The following LRRC7 variants were observed in gnomAD, a reference collection of about 807,000 sequenced individuals.
LRRC7 encodes leucine-rich repeat-containing protein 7.
Under a neutral mutation model 175.7 loss-of-function variants are expected in LRRC7, and 23 were observed. That is an observed-to-expected ratio of 0.13 (90% CI 0.09 to 0.19). The LOEUF (loss-of-function observed/expected upper bound fraction) is 0.19, where lower values mean the gene tolerates loss of function less well. Ranked by LOEUF, LRRC7 falls within the 10% of genes least tolerant of loss-of-function variation. The probability of loss-of-function intolerance (pLI) is 1.00; values close to 1 mark genes in which losing one functional copy is unlikely to be tolerated. For synonymous variants in LRRC7, 685 were observed against 680.9 expected (o/e 1.01, Z -0.09); for missense variants, 1,354 against 1,904.7 (o/e 0.71, Z 5.38).
At chr1:70,071,994 C>A (rs976698456) in intron 23 of LRRC7, among the ~76,000 whole-genome samples, 2 of 152,062 alleles carry the variant, frequency 1.3e-5, no homozygotes, top group Non-Finnish European at 2.9e-5. Flanking sequence ...TGAACAGTGC[C>A]GTTTGCTATC....
chr1:69,694,738 A>C (rs1570391450), intron 2 of LRRC7, among the ~76,000 whole-genome samples: 5 of 147,316 alleles, frequency 3.4e-5, no homozygotes, highest in South Asian at 2.2e-4. Flanking sequence ...TGGTACCCCT[A>C]CCCCCCCCCA....
intron 7 of LRRC7, among the ~76,000 whole-genome samples, chr1:69,902,947 C>T (rs761982867): frequency 5.9e-5 from 9 of 152,238 alleles, no homozygotes; most frequent in South Asian, 2.1e-4. Flanking sequence ...ACAATGGTCT[C>T]GTTTAGATTT....
rs1666920021 is a variant in LRRC7 at position 70,137,551 on chromosome 1, A to G, written c.*15664A>G. Among the ~76,000 whole-genome samples, 1 of 152,208 alleles carries G rather than the reference A, an allele frequency of 6.6e-6. No individual in the cohort carries two copies. The highest frequency in any genetic ancestry group is 1.5e-5 in the Non-Finnish European group (1 of 68,040). ...AGTCTTTACTGTTAGCAAACACTCC[A>G]CCACTGGGGGTTGCTTTGTGTTTAA... On this transcript the variant is annotated 3_prime_UTR_variant, in exon 27 of 27. Coordinates refer to ENST00000651989, the MANE Select transcript of LRRC7 (RefSeq NM_001370785.2).
Position 69,805,260 on chromosome 1 carries a change from C to T in LRRC7, c.421+13100C>T, listed in dbSNP as rs1323697157. 4.0e-5 allele frequency among the ~76,000 whole-genome samples: 6 copies of T among 151,752 alleles called. No homozygotes were observed. The South Asian group carries it at 6.2e-4, about 16-fold the overall frequency. On this transcript the variant is annotated intron_variant, in intron 4 of 26. Coordinates refer to ENST00000651989, the MANE Select transcript of LRRC7 (RefSeq NM_001370785.2). Reference sequence around the variant, plus strand: ...TATCCTCTACTTGAAGGATAGGAGGCGGACTTTTTTTCTCTCAAATAGGCT... The same window carrying T: ...TATCCTCTACTTGAAGGATAGGAGGTGGACTTTTTTTCTCTCAAATAGGCT...
chr1:69,775,339 G>A (rs890394024), intron 3 of LRRC7, among the ~76,000 whole-genome samples: 1 of 152,052 alleles, frequency 6.6e-6, no homozygotes, highest in Non-Finnish European at 1.5e-5. Flanking sequence ...TTCATTTCCA[G>A]CTTATTAGTA....
intron 7 of LRRC7, among the ~76,000 whole-genome samples, chr1:69,882,010 CAAAA>C (rs34756242): frequency 1.6e-5 from 2 of 123,072 alleles, no homozygotes; most frequent in African/African-American, 3.0e-5. Flanking sequence ...GACTGAATAG[CAAAA>C]AAAAAAAAAA....
chr1:70,094,011 T>G (rs1664216634), intron 25 of LRRC7, among the ~76,000 whole-genome samples: 1 of 152,152 alleles, frequency 6.6e-6, no homozygotes, highest in African/African-American at 2.4e-5. Flanking sequence ...CATTCAGGGA[T>G]TCATGTTCTT....
At chr1:69,749,200 A>G (rs1469868173) in intron 2 of LRRC7, among the ~76,000 whole-genome samples, 1 of 152,224 alleles carries the variant, frequency 6.6e-6, no homozygotes, top group East Asian at 1.9e-4. Flanking sequence ...GTACTATAGT[A>G]TAGTTTTTCA....
intron 11 of LRRC7, among the ~76,000 whole-genome samples, chr1:70,002,606 C>T (rs1655636774): frequency 6.6e-6 from 1 of 152,038 alleles, no homozygotes; most frequent in Admixed American, 6.6e-5. Flanking sequence ...GAGAGTATGG[C>T]CCAGAGGATT....
chr1:69,628,416 A>T (rs1651950976), intron 1 of LRRC7, among the ~76,000 whole-genome samples: 1 of 152,184 alleles, frequency 6.6e-6, no homozygotes, highest in South Asian at 2.1e-4. Flanking sequence ...GTGTAAGTCT[A>T]ACAAAATATG....
At position 69,717,961 on chromosome 1, in the gene LRRC7, A is replaced by AAG. The variant is rs1557642358; in HGVS notation, c.100+39484_100+39485insGA. 7.7e-3 allele frequency among the ~76,000 whole-genome samples: 409 copies of AAG among 52,976 alleles called. 11 individuals carry two copies. Among genetic ancestry groups the AAG allele is most frequent in the African/African-American group, 0.01 (63 of 6,112 alleles). The allele number at this position is 52,976 out of a possible 152,430, so 34.8% of individuals were successfully genotyped here. A position where few individuals can be genotyped will look rare whatever the true frequency, so the allele number is the denominator to read the frequency against. On this transcript the variant is annotated intron_variant, in intron 2 of 26. Coordinates refer to ENST00000651989, the MANE Select transcript of LRRC7 (RefSeq NM_001370785.2). ...GAAAGAAAGAAAGAAAGAAAGAAGAAAAAGAAAGAAAGAGAAAGAAAGAGG... is the reference window on the plus strand; with the variant it reads ...GAAAGAAAGAAAGAAAGAAAGAAGAAAGAAAGAAAGAAAGAGAAAGAAAGAGG...
At chr1:69,643,581 ATG>A (rs1654558312) in intron 1 of LRRC7, among the ~76,000 whole-genome samples, 1 of 152,100 alleles carries the variant, frequency 6.6e-6, no homozygotes, top group African/African-American at 2.4e-5. Flanking sequence ...GATGAGCAAT[ATG>A]TCTTATTAAC....
intron 8 of LRRC7, among the ~76,000 whole-genome samples, chr1:69,937,498 TTCATGATCTAATCATGA>T (rs1311101279): frequency 1.3e-5 from 2 of 152,106 alleles, no homozygotes; most frequent in African/African-American, 4.8e-5. Context: ...ACATACATGG[TTCATGATCTAATCATGA>T]TCATGATCTT....
At chr1:69,664,236 G>C (rs1657940247) in intron 1 of LRRC7, among the ~76,000 whole-genome samples, 1 of 152,154 alleles carries the variant, frequency 6.6e-6, no homozygotes, top group Admixed American at 6.5e-5. Context: ...GCAAATCTTG[G>C]CTGTTGTGAA....
chr1:69,571,459 A>T (rs2100875969), intron 1 of LRRC7, among the ~76,000 whole-genome samples: 1 of 152,310 alleles, frequency 6.6e-6, no homozygotes, highest in Middle Eastern at 3.4e-3. Flanking sequence ...TCAAAAAATC[A>T]CGAAGATATA....
chr1:69,983,959 T>A lies in LRRC7; in HGVS notation c.787-2283T>A, dbSNP rs572905678. Among the ~76,000 whole-genome samples the A allele has an allele frequency of 9.1e-4, 138 of 152,230 alleles. 1 individual carries two copies. Among genetic ancestry groups the A allele is most frequent in the African/African-American group, 3.1e-3 (130 of 41,534 alleles). Reference sequence around the variant, plus strand: ...TTTTTTTTTTTGGATGGAGTCTCGCTCTGTTGCCCAGGCTGGAGTTCAGTG... The same window carrying A: ...TTTTTTTTTTTGGATGGAGTCTCGCACTGTTGCCCAGGCTGGAGTTCAGTG... On this transcript the variant is annotated intron_variant, in intron 9 of 26. Coordinates refer to ENST00000651989, the MANE Select transcript of LRRC7 (RefSeq NM_001370785.2).
At chr1:69,692,941 C>T (rs114741238) in intron 2 of LRRC7, among the ~76,000 whole-genome samples, 2,340 of 152,210 alleles carry the variant, frequency 0.015, 43 homozygotes, top group African/African-American at 0.04. Flanking sequence ...TCCATGAGGA[C>T]GTGAATAGAA....
intron 25 of LRRC7, among the ~76,000 whole-genome samples, chr1:70,093,445 A>C (rs1571305626): frequency 6.6e-6 from 1 of 152,166 alleles, no homozygotes; most frequent in Non-Finnish European, 1.5e-5. Flanking sequence ...GATCTGTGGC[A>C]GATAAGATTT....
At chr1:69,701,276 A>G (rs1663317509) in intron 2 of LRRC7, among the ~76,000 whole-genome samples, 2 of 152,150 alleles carry the variant, frequency 1.3e-5, no homozygotes, top group South Asian at 2.1e-4. Context: ...GTAAATGAGT[A>G]TAAAAATTCC....
Sources: allele counts gnomAD v4.1 joint callset (sites outside exome capture counted in the v4.1 genomes callset), GRCh38; gene constraint gnomAD v4.1.1; transcripts MANE v1.5; gene names NCBI Gene and HGNC (gene_info 2026-07-23, HGNC 2026-07-21).